The following USH2A variants were observed in gnomAD, a reference collection of about 807,000 sequenced individuals.
USH2A encodes Usher syndrome 2A (autosomal recessive, mild).
In USH2A, 443 loss-of-function variants were observed where a neutral mutation model predicts 538.9. The ratio of observed to expected loss-of-function variants is 0.82; its 90% CI spans 0.76 to 0.89. The LOEUF (loss-of-function observed/expected upper bound fraction) is 0.89, where lower values mean the gene tolerates loss of function less well. Among genes scored for constraint, USH2A ranks in the 40% least tolerant of loss-of-function variants. The pLI is 0.00. For synonymous variants in USH2A, 2,413 were observed against 2,273.5 expected (o/e 1.06, Z -1.75); for missense variants, 6,633 against 6,324.8 (o/e 1.05, Z -1.65).
At chr1:216,258,487 A>T (rs1312210603) in intron 11 of USH2A, among the ~76,000 whole-genome samples, 1 of 152,024 alleles carries the variant, frequency 6.6e-6, no homozygotes. Flanking sequence ...TGCTCTGTAG[A>T]TCTGTGAAAT....
chr1:215,951,795 T>G (rs1258245890), intron 37 of USH2A, among the ~76,000 whole-genome samples: 1 of 152,210 alleles, frequency 6.6e-6, no homozygotes, highest in Non-Finnish European at 1.5e-5. Context: ...ATTGATCCAT[T>G]TACCATTCTG....
Position 215,744,778 on chromosome 1 carries a change from T to C in USH2A, c.11390-1443A>G, listed in dbSNP as rs77285551. 6.8e-3 allele frequency among the ~76,000 whole-genome samples: 1,037 copies of C among 152,344 alleles called. 15 individuals carry two copies. Among genetic ancestry groups the C allele is most frequent in the African/African-American group, 0.024 (997 of 41,590 alleles). ...AGATATTGATCATCTTCAGAAGTAC[T>C]GATCAATTGCTTCCTCAGGAAAGGT... On this transcript the variant is annotated intron_variant, in intron 58 of 71. Coordinates refer to ENST00000307340, the MANE Select transcript of USH2A (RefSeq NM_206933.4).
At chr1:215,877,437 A>G (rs182717539) in intron 43 of USH2A, among the ~76,000 whole-genome samples, 1 of 152,244 alleles carries the variant, frequency 6.6e-6, no homozygotes, top group Admixed American at 6.5e-5. Flanking sequence ...AATTTTCCCC[A>G]TTTTGTATGT....
intron 32 of USH2A, among the ~76,000 whole-genome samples, chr1:216,039,819 A>G (rs910816997): frequency 7.2e-5 from 11 of 151,864 alleles, no homozygotes; most frequent in Non-Finnish European, 1.3e-4. Flanking sequence ...CCATCGTAAG[A>G]CTTAAGTGTT....
At chr1:215,719,522 C>G (rs955564262) in intron 61 of USH2A, among the ~76,000 whole-genome samples, 1 of 152,084 alleles carries the variant, frequency 6.6e-6, no homozygotes, top group African/African-American at 2.4e-5. Flanking sequence ...GTGAGGAACA[C>G]TTAAAATGTA....
intron 10 of USH2A, among the ~76,000 whole-genome samples, chr1:216,291,842 A>G (rs1401649769): frequency 1.3e-5 from 2 of 152,214 alleles, no homozygotes; most frequent in African/African-American, 4.8e-5. Context: ...TACTTTAAGG[A>G]TATGTGTTCA....
intron 38 of USH2A, among the ~76,000 whole-genome samples, chr1:215,928,748 C>A (rs1438786446): frequency 6.6e-6 from 1 of 152,084 alleles, no homozygotes; most frequent in Non-Finnish European, 1.5e-5. Context: ...ACAACTCACA[C>A]AATCAGGTGA....
chr1:216,057,039 T>C (rs562997793), intron 30 of USH2A, among the ~76,000 whole-genome samples: 90 of 152,352 alleles, frequency 5.9e-4, no homozygotes, highest in Admixed American at 2.4e-3. Flanking sequence ...ACAAAAGTTA[T>C]ATATTTTCAT....
chr1:215,877,771 T>A lies in USH2A; in HGVS notation c.8668A>T (p.Lys2890Ter). 6.2e-7 allele frequency: 1 copy of A among 1,613,732 alleles called. No individual in the cohort carries two copies. Among genetic ancestry groups the A allele is most frequent in the Non-Finnish European group, 8.5e-7 (1 of 1,179,664 alleles). ...TTGTAATCTCACCTGCTAAGACCCT[T>A]ATCTTCATAAAGCCACTGAGTTCCT... ...YSGTQWLYED[K>*]GLSRFTTYEY... Residue 2890 changes from lysine to a stop codon, truncating the protein, a stop_gained, in exon 43 of 72, where the codon AAG becomes TAG. Transcript: ENST00000307340. LOFTEE classifies it high-confidence loss of function.
chr1:215,888,368 A>G (rs2102459825), intron 41 of USH2A, 58 bp downstream of exon 41: 1 of 1,607,044 alleles, frequency 6.2e-7, no homozygotes, highest in South Asian at 1.1e-5. Context: ...TTCAACACAG[A>G]GTCAATCCAG....
At chr1:215,814,419 T>C (rs1255778619) in intron 48 of USH2A, among the ~76,000 whole-genome samples, 1 of 151,626 alleles carries the variant, frequency 6.6e-6, no homozygotes, top group Non-Finnish European at 1.5e-5. Context: ...AACACAGGTA[T>C]TGCAGTGAAA....
At chr1:216,310,281 C>G (rs2037394989) in intron 9 of USH2A, among the ~76,000 whole-genome samples, 1 of 151,804 alleles carries the variant, frequency 6.6e-6, no homozygotes, top group Non-Finnish European at 1.5e-5. Context: ...ATTTTCTTTC[C>G]TTTGTAAGTA....
chr1:216,207,878 A>G (rs944357297), intron 15 of USH2A, among the ~76,000 whole-genome samples: 1 of 152,100 alleles, frequency 6.6e-6, no homozygotes. Flanking sequence ...ACAATGCTTT[A>G]TCTTGCTTCA....
At chr1:216,030,923 A>G (rs1669107129) in intron 32 of USH2A, among the ~76,000 whole-genome samples, 1 of 151,772 alleles carries the variant, frequency 6.6e-6, no homozygotes, top group Non-Finnish European at 1.5e-5. Flanking sequence ...GACTCTCTAA[A>G]AAACAATAAA....
chr1:216,170,249 T>G (rs2034250555), intron 21 of USH2A, among the ~76,000 whole-genome samples: 1 of 152,152 alleles, frequency 6.6e-6, no homozygotes, highest in South Asian at 2.1e-4. Flanking sequence ...TTTTGGTGGT[T>G]GCATTTCTTT....
In USH2A at chr1:216,003,920, G is replaced by T. The variant is rs1558205877; in HGVS notation, c.6326-3358C>A. On this transcript the variant is annotated intron_variant, in intron 32 of 71. Coordinates refer to ENST00000307340, the MANE Select transcript of USH2A (RefSeq NM_206933.4). Reference sequence around the variant, plus strand: ...GCTATTTGTAATATCAAGTAAGTGGGGGCCAGTAATAATCAAGTAAGAAAT... The same window carrying T: ...GCTATTTGTAATATCAAGTAAGTGGTGGCCAGTAATAATCAAGTAAGAAAT... 2.0e-5 allele frequency among the ~76,000 whole-genome samples: 3 copies of T among 152,174 alleles called. No individual in the cohort carries two copies. In the East Asian group the frequency reaches 5.8e-4, roughly 29 times the overall value.
At chr1:216,381,187 GAA>G (rs2038916454) in intron 3 of USH2A, among the ~76,000 whole-genome samples, 1 of 152,106 alleles carries the variant, frequency 6.6e-6, no homozygotes, top group Admixed American at 6.6e-5. Context: ...GAGGGAGAGG[GAA>G]AAGTGTACAA....
At chr1:215,811,713 C>A (rs927631977) in intron 49 of USH2A, among the ~76,000 whole-genome samples, 6 of 151,900 alleles carry the variant, frequency 3.9e-5, no homozygotes, top group Admixed American at 2.0e-4. Context: ...TCGAGACCAC[C>A]CTGACCAACA....
chr1:215,840,651 G>C (rs1360897519), intron 46 of USH2A, among the ~76,000 whole-genome samples: 1 of 152,074 alleles, frequency 6.6e-6, no homozygotes, highest in African/African-American at 2.4e-5. Flanking sequence ...ACTTTTAAAC[G>C]TTAACTCTTG....
Sources: allele counts gnomAD v4.1 joint callset (sites outside exome capture counted in the v4.1 genomes callset), GRCh38; gene constraint gnomAD v4.1.1; transcripts MANE v1.5; gene names NCBI Gene and HGNC (gene_info 2026-07-23, HGNC 2026-07-21).